ZZEF1: variants seen among roughly 807,000 people sequenced by gnomAD.
ZZEF1 encodes the protein zinc finger ZZ-type and EF-hand domain-containing protein 1.
Under a neutral mutation model 342.8 loss-of-function variants are expected in ZZEF1, and 157 were observed. That is an observed-to-expected ratio of 0.46 (90% CI 0.40 to 0.52). The LOEUF (loss-of-function observed/expected upper bound fraction) is 0.52. Ranked by LOEUF, ZZEF1 falls within the 20% of genes least tolerant of loss-of-function variation. ZZEF1 has a pLI of 0.00. For synonymous variants in ZZEF1, 1,505 were observed against 1,429.1 expected, an observed-to-expected ratio of 1.05 and a Z score of -1.20; for missense variants, 3,480 against 3,725.6, an observed-to-expected ratio of 0.93 and a Z score of 1.72.
chr17:4,098,831 G>A (rs1278782445), intron 9 of ZZEF1, among the ~76,000 whole-genome samples: 1 of 152,178 alleles, frequency 6.6e-6, no homozygotes, highest in Non-Finnish European at 1.5e-5. Context: ...CTAGTTCTAT[G>A]AAAGAGCAAT....
intron 26 of ZZEF1, among the ~76,000 whole-genome samples, chr17:4,069,557 C>T (rs1417298780): frequency 6.6e-6 from 1 of 152,134 alleles, no homozygotes; most frequent in Non-Finnish European, 1.5e-5. Context: ...CGAGGCTGGG[C>T]GCGGTACTCA....
intron 43 of ZZEF1, 56 bp from the exon 44 acceptor site, chr17:4,022,884 C>T (rs2056306081): frequency 1.3e-6 from 2 of 1,594,808 alleles, no homozygotes; most frequent in Non-Finnish European, 1.7e-6. Context: ...AAGGTACAAC[C>T]TTAGCTGTAA....
chr17:4,038,190 T>C (rs757071243), intron 39 of ZZEF1, among the ~76,000 whole-genome samples: 2 of 152,244 alleles, frequency 1.3e-5, no homozygotes, highest in African/African-American at 4.8e-5. Flanking sequence ...AAAGCTTTCA[T>C]GTGCTGCCGT....
intron 43 of ZZEF1, 30 bp downstream of exon 43, chr17:4,024,889 C>T (rs1237595783): frequency 3.1e-6 from 5 of 1,605,422 alleles, no homozygotes; most frequent in Non-Finnish European, 4.3e-6. Flanking sequence ...ATAGCCAGAT[C>T]CACTGCCAAC....
At chr17:4,011,479 G>C (rs958792934) in intron 52 of ZZEF1, among the ~76,000 whole-genome samples, 1 of 151,910 alleles carries the variant, frequency 6.6e-6, no homozygotes, top group African/African-American at 2.4e-5. Flanking sequence ...TGCTTGCAAG[G>C]TTGCTCAGGC....
chr17:4,105,629 G>A, intron 7 of ZZEF1, 64 bp downstream of exon 7: 1 of 1,202,398 alleles, frequency 8.3e-7, no homozygotes, highest in Non-Finnish European at 1.2e-6. Flanking sequence ...ATTTTTTAAA[G>A]ACTTAACAAG....
chr17:4,133,861 T>A (rs2058707716), intron 1 of ZZEF1, among the ~76,000 whole-genome samples: 1 of 151,818 alleles, frequency 6.6e-6, no homozygotes, highest in Non-Finnish European at 1.5e-5. Context: ...GGCTGGGACA[T>A]GCTCAGCTAG....
At chr17:4,030,721 C>T (rs57810232) in intron 42 of ZZEF1, among the ~76,000 whole-genome samples, 4,554 of 152,268 alleles carry the variant, frequency 0.03, 159 homozygotes, top group African/African-American at 0.089. Flanking sequence ...CAGGTGTAAG[C>T]GACTGCGCCT....
At chr17:4,027,939 C>T (rs2056454453) in intron 42 of ZZEF1, among the ~76,000 whole-genome samples, 1 of 152,166 alleles carries the variant, frequency 6.6e-6, no homozygotes, top group African/African-American at 2.4e-5. Flanking sequence ...CTCACTCAGC[C>T]TCTCAGAGTG....
Position 4,090,750 on chromosome 17 carries a change from T to C in ZZEF1, c.1994A>G (p.Asp665Gly), listed in dbSNP as rs1487431189. Residue 665 changes from aspartate to glycine, a missense_variant, in exon 12 of 55, where the codon GAT becomes GGT. Transcript: ENST00000381638. ...AACTCTGCACTGTTGCAGCTTCACA[T>C]CTGCTTCATCCCATTCTTCTTCCAG... The part of the protein sequence containing the change: ...FELEEEWDEA[D>G]VKLQQCRVAK... 1 of 1,614,192 alleles carries C rather than the reference T, an allele frequency of 6.2e-7. No homozygotes were observed. Among genetic ancestry groups the C allele is most frequent in the African/African-American group, 1.3e-5 (1 of 75,056 alleles).
At chr17:4,076,616 T>C (rs759940545) in intron 21 of ZZEF1, 21 bp downstream of exon 21, 7 of 1,599,448 alleles carry the variant, frequency 4.4e-6, no homozygotes, top group Admixed American at 1.7e-5. Context: ...ACGGGGCGGC[T>C]CAAGTGCTGA....
At chr17:4,049,116 T>C (rs778341453) in intron 37 of ZZEF1, among the ~76,000 whole-genome samples, 47 of 152,154 alleles carry the variant, frequency 3.1e-4, no homozygotes, top group Non-Finnish European at 6.2e-4. Flanking sequence ...TATCAACTCT[T>C]CTAAGCACTT....
At chr17:4,020,802 G>A (rs532884884) in intron 45 of ZZEF1, among the ~76,000 whole-genome samples, 2 of 152,308 alleles carry the variant, frequency 1.3e-5, no homozygotes, top group East Asian at 3.9e-4. Context: ...AGGAACTATC[G>A]TATAGAGTTC....
At chr17:4,007,890 G>C (rs2055845433) in intron 54 of ZZEF1, among the ~76,000 whole-genome samples, 1 of 152,064 alleles carries the variant, frequency 6.6e-6, no homozygotes, top group African/African-American at 2.4e-5. Flanking sequence ...GCTCTTGGCT[G>C]GGTGTCCCGG....
chr17:4,080,334 T>TTTTG (rs151310316), intron 18 of ZZEF1, among the ~76,000 whole-genome samples: 3 of 44,104 alleles, frequency 6.8e-5, no homozygotes, highest in African/African-American at 1.2e-4. Context: ...TTTTTTTGTT[T>TTTTG]TTTGTTTGTT....
chr17:4,042,521 C>A lies in ZZEF1; in HGVS notation c.6214G>T (p.Ala2072Ser). The A allele has an allele frequency of 6.2e-7, 1 of 1,614,024 alleles. No homozygotes were observed. The highest frequency in any genetic ancestry group is 8.5e-7 in the Non-Finnish European group (1 of 1,179,998). ...VSSQKPIEEK[A>S]VTPSPEQVFA... Reference sequence around the variant, plus strand: ...ACTTGCTCAGGGCTTGGAGTAACTGCTTTTTCCTCTATGGGCTTCTGAGAT... The same window carrying A: ...ACTTGCTCAGGGCTTGGAGTAACTGATTTTTCCTCTATGGGCTTCTGAGAT... Residue 2072 changes from alanine (A) to serine (S), a missense_variant, in exon 39 of 55, where the codon GCA (alanine) becomes TCA (serine). Physicochemically the swap from Ala to Ser is moderately conservative, Grantham distance 99. Transcript: ENST00000381638.
intron 1 of ZZEF1, among the ~76,000 whole-genome samples, chr17:4,132,056 G>A (rs189812992): frequency 1.9e-4 from 29 of 152,288 alleles, no homozygotes; most frequent in African/African-American, 7.0e-4. Flanking sequence ...AAACACTCAA[G>A]AACCAGCTAG....
intron 12 of ZZEF1, 102 bp from the exon 13 acceptor site, chr17:4,088,995 G>C (rs778657224): frequency 2.8e-6 from 3 of 1,073,982 alleles, no homozygotes; most frequent in Non-Finnish European, 4.0e-6. Flanking sequence ...TATGATTTTC[G>C]TAATTTATTA....
At chr17:4,075,573 C>T (rs915088450) in intron 21 of ZZEF1, 144 bp from the exon 22 acceptor site, 6 of 803,598 alleles carry the variant, frequency 7.5e-6, no homozygotes, top group Non-Finnish European at 1.2e-5. Flanking sequence ...GAAGACAAAC[C>T]TGACATTCCC....
Sources: gnomAD v4.1 joint callset for allele counts (sites outside exome capture counted in the v4.1 genomes callset) on GRCh38, gnomAD v4.1.1 for gene constraint, MANE v1.5 for transcripts, NCBI Gene and HGNC (gene_info 2026-07-23, HGNC 2026-07-21) for gene names.